Variants in SEC31B observed in about 807,000 individuals in gnomAD.
SEC31B encodes the protein SEC31 homolog B, COPII component.
In SEC31B, 113 loss-of-function variants were observed where a neutral mutation model predicts 135.0. That is an observed-to-expected ratio of 0.84 (90% CI 0.72 to 0.98). The LOEUF is 0.98. Ranked by LOEUF, SEC31B falls within the 50% of genes least tolerant of loss-of-function variation. The pLI is 0.00. For synonymous variants in SEC31B, 508 were observed against 549.4 expected (o/e 0.92, Z 1.05); for missense variants, 1,296 against 1,421.1 (o/e 0.91, Z 1.42).
In SEC31B at chr10:100,505,509, A is replaced by G; in HGVS notation, c.1045-14T>C. On this transcript the variant is annotated splice_polypyrimidine_tract_variant and intron_variant, in intron 9 of 25. Transcript: ENST00000370345. ...GGAAGAGGAGATCTGGGGGGAAAAG[A>G]CACCTGCATCGCCATCCTAAAGTGG... 1 of 1,513,808 alleles carries G rather than the reference A, an allele frequency of 6.6e-7. No individual in the cohort carries two copies. The highest frequency in any genetic ancestry group is 8.8e-7 in the Non-Finnish European group (1 of 1,137,394). 93.8% of individuals were successfully genotyped at this position (1,513,808 alleles called of 1,614,324 possible).
At chr10:100,508,309 G>T (rs904190743) in intron 5 of SEC31B, among the ~76,000 whole-genome samples, 1 of 152,090 alleles carries the variant, frequency 6.6e-6, no homozygotes, top group Non-Finnish European at 1.5e-5. Flanking sequence ...ATAGAGTCAA[G>T]ATTTTAAAAA....
chr10:100,514,813 T>A (rs1589741791), intron 3 of SEC31B, among the ~76,000 whole-genome samples: 1 of 151,816 alleles, frequency 6.6e-6, no homozygotes, highest in Non-Finnish European at 1.5e-5. Flanking sequence ...TACACTTTAT[T>A]AGTAGTATAA....
chr10:100,505,993 C>A, intron 9 of SEC31B, 47 bp downstream of exon 9: 1 of 1,609,786 alleles, frequency 6.2e-7, no homozygotes, highest in Non-Finnish European at 8.5e-7. Context: ...CTCCCACAAA[C>A]AGAGACAGCC....
rs573183965 is a variant in SEC31B, at chr10:100,493,949, G to A, written c.2472+1436C>T. ...TTATTTTTAAATGAAAAGAGACGGG[G>A]AGAGGGAGAGAGAGAGGAGAGGAGG... On this transcript the variant is annotated intron_variant, in intron 19 of 25. Coordinates refer to ENST00000370345, the MANE Select transcript of SEC31B (RefSeq NM_015490.4). Among the ~76,000 whole-genome samples, 24 of 151,722 alleles carry A rather than the reference G, an allele frequency of 1.6e-4. No homozygotes were observed. In the South Asian group the frequency reaches 4.8e-3, roughly 31 times the overall value.
Position 100,499,220 on chromosome 10 carries a change from C to T in SEC31B, c.1524G>A (p.Glu508=). 2 of 1,613,810 alleles carry T rather than the reference C, an allele frequency of 1.2e-6. No homozygotes were observed. The highest frequency in any genetic ancestry group is 2.2e-5 in the South Asian group (2 of 90,922). The change falls in exon 13 of 26, where the codon GAG becomes GAA. Residue 508 remains glutamate (E), a synonymous_variant. Transcript: ENST00000370345. The part of the protein sequence containing the change: ...TWLKSDVGLG[E]SPQPKGNDLN... ...GGTCATTTCCCTTGGGCTGAGGACT[C>T]TCACCTAGCCCCACGTCACTCTTCA... is the stretch of plus-strand genomic sequence containing the variant.
chr10:100,498,016 G>C lies in SEC31B; in HGVS notation c.1863+13C>G, dbSNP rs199831454. 89 of 1,613,970 alleles carry C rather than the reference G, an allele frequency of 5.5e-5. No homozygotes were observed. The East Asian group carries it at 6.7e-4, about 12-fold the overall frequency. On this transcript the variant is annotated intron_variant, in intron 15 of 25. Coordinates refer to ENST00000370345, the MANE Select transcript of SEC31B (RefSeq NM_015490.4). Reference sequence around the variant, plus strand: ...AATCCCCTCCCTTCTTCTCCTGCATGATGGGCAGTTACCGAGGAGATTTTG... The same window carrying C: ...AATCCCCTCCCTTCTTCTCCTGCATCATGGGCAGTTACCGAGGAGATTTTG...
intron 3 of SEC31B, among the ~76,000 whole-genome samples, chr10:100,511,965 C>T (rs1317786386): frequency 6.6e-6 from 1 of 152,222 alleles, no homozygotes; most frequent in Non-Finnish European, 1.5e-5. Context: ...AAGAGGACAG[C>T]AAGTAGCAGA....
At chr10:100,495,570 C>CTGTGT (rs1264841780) in intron 18 of SEC31B, 24 bp from the exon 19 acceptor site, 1 of 1,603,066 alleles carries the variant, frequency 6.2e-7, no homozygotes, top group Admixed American at 1.7e-5. Context: ...TGAGGAAGAG[C>CTGTGT]TGTGTCAAGA....
Position 100,498,387 on chromosome 10 carries a change from A to G in SEC31B, c.1685-180T>C, listed in dbSNP as rs1433657483. On this transcript the variant is annotated intron_variant, in intron 14 of 25. Transcript: ENST00000370345. ...TATTTTGGTGCCCAGGTCTAAAGACAGGGCCCAAGACAAGGGAGGGAACTG... is the reference window on the plus strand; with the variant it reads ...TATTTTGGTGCCCAGGTCTAAAGACGGGGCCCAAGACAAGGGAGGGAACTG... 143 of 656,080 alleles carry G rather than the reference A, an allele frequency of 2.2e-4. 3 individuals carry two copies. The South Asian group carries it at 2.6e-3, about 12-fold the overall frequency. 40.6% of individuals were successfully genotyped at this position (656,080 alleles called of 1,614,324 possible). A position where few individuals can be genotyped will look rare whatever the true frequency, so the allele number is the denominator to read the frequency against.
chr10:100,505,226 T>C, intron 10 of SEC31B, 135 bp downstream of exon 10: 1 of 1,123,914 alleles, frequency 8.9e-7, no homozygotes, highest in Non-Finnish European at 1.3e-6. Flanking sequence ...TGGGATCCAT[T>C]CTGAGACAGA....
intron 19 of SEC31B, among the ~76,000 whole-genome samples, chr10:100,493,216 AC>A (rs1276350426): frequency 2.0e-5 from 3 of 152,048 alleles, no homozygotes; most frequent in Non-Finnish European, 4.4e-5. Context: ...CACTAAAAAT[AC>A]AAAAAATTAT....
In SEC31B at chr10:100,511,109, C is replaced by T. The variant is rs144675761; in HGVS notation, c.204-1598G>A. Among the ~76,000 whole-genome samples the T allele has an allele frequency of 8.6e-3, 1,304 of 152,282 alleles. 11 individuals are homozygous for T. Among genetic ancestry groups the T allele is most frequent in the Non-Finnish European group, 0.013 (897 of 68,016 alleles). ...TACCTGAGACCTCAAGGGGGAGTCA[C>T]CAAAGGGCTGGAAAAGAGGGCAGTT... On this transcript the variant is annotated intron_variant, in intron 3 of 25. Transcript: ENST00000370345.
rs1851447114 is a variant in SEC31B at position 100,498,085 on chromosome 10, G to T, written c.1807C>A (p.Leu603Met). The T allele has an allele frequency of 1.9e-6, 3 of 1,614,060 alleles. No individual in the cohort carries two copies. The African/African-American group carries it at 4.0e-5, about 22-fold the overall frequency. The change falls in exon 15 of 26, where the codon CTG becomes ATG. Residue 603 changes from leucine to methionine, a missense_variant. Transcript: ENST00000370345. The stretch of plus-strand genomic sequence containing the variant: ...TAGCGCTCCTGTGTTTGCTTCAGCA[G>T]ATCTGTACCCCCAGCCTGGGCCAGG... ...IILAQAGGTD[L>M]LKQTQERYLA...
chr10:100,500,789 T>C (rs1013569036), intron 11 of SEC31B, among the ~76,000 whole-genome samples: 2 of 152,198 alleles, frequency 1.3e-5, no homozygotes, highest in East Asian at 1.9e-4. Flanking sequence ...TGAAACATGA[T>C]TTCTAACCAT....
intron 3 of SEC31B, among the ~76,000 whole-genome samples, chr10:100,511,083 G>A (rs1188339478): frequency 6.6e-6 from 1 of 152,188 alleles, no homozygotes; most frequent in African/African-American, 2.4e-5. Context: ...ACAGTAAAAG[G>A]TACCTGAGAC....
At chr10:100,497,913 T>C in intron 15 of SEC31B, 116 bp downstream of exon 15, 1 of 1,584,354 alleles carries the variant, frequency 6.3e-7, no homozygotes, top group Non-Finnish European at 8.6e-7. Flanking sequence ...TGGGGGTGGT[T>C]AGAGTAGAAA....
At position 100,497,812 on chromosome 10, in the gene SEC31B, GA is replaced by G. The variant is rs757973546; in HGVS notation, c.1864-20del. On this transcript the variant is annotated intron_variant, in intron 15 of 25. Transcript: ENST00000370345. Reference sequence around the variant, plus strand: ...CTAGAAGCTGTAATGGGCAGAGAGGGAAAGAGACCATCAGCCATCCATCCAG... The same window carrying G: ...CTAGAAGCTGTAATGGGCAGAGAGGGAAGAGACCATCAGCCATCCATCCAG... 16 of 1,614,074 alleles carry G rather than the reference GA, an allele frequency of 9.9e-6. No homozygotes were observed. The African/African-American group carries it at 2.1e-4, about 22-fold the overall frequency.
chr10:100,503,272 A>C (rs1307883066), intron 10 of SEC31B, among the ~76,000 whole-genome samples: 1 of 152,160 alleles, frequency 6.6e-6, no homozygotes, highest in African/African-American at 2.4e-5. Flanking sequence ...TTTTTACTCC[A>C]GCAGTTCTCA....
chr10:100,507,855 G>A, intron 6 of SEC31B, 53 bp downstream of exon 6: 2 of 1,611,476 alleles, frequency 1.2e-6, no homozygotes, highest in Non-Finnish European at 1.7e-6. Flanking sequence ...CTAACTGCTA[G>A]GCAGGAGAGA....
Sources: gnomAD v4.1 joint callset for allele counts (sites outside exome capture counted in the v4.1 genomes callset) on GRCh38, gnomAD v4.1.1 for gene constraint, MANE v1.5 for transcripts, NCBI Gene and HGNC (gene_info 2026-07-23, HGNC 2026-07-21) for gene names.